Variants in DPP10 observed in about 807,000 individuals in gnomAD.
DPP10 encodes the protein dipeptidyl peptidase like 10, also known as inactive dipeptidyl peptidase 10.
DPP10 carries 33 observed loss-of-function variants against 120.9 expected under a neutral mutation model. The ratio of observed to expected loss-of-function variants is 0.27; its 90% CI spans 0.21 to 0.37. DPP10 has a LOEUF of 0.37. Ranked by LOEUF, DPP10 falls within the 10% of genes least tolerant of loss-of-function variation. The pLI is 1.00. For synonymous variants in DPP10, 337 were observed against 326.1 expected (o/e 1.03, Z -0.36); for missense variants, 816 against 942.8 (o/e 0.87, Z 1.76).
intron 1 of DPP10, among the ~76,000 whole-genome samples, chr2:115,152,401 T>C (rs2051615575): frequency 6.6e-6 from 1 of 152,224 alleles, no homozygotes; most frequent in South Asian, 2.1e-4. Context: ...GCAACTTTGT[T>C]TTGGGGGCTA....
intron 1 of DPP10, among the ~76,000 whole-genome samples, chr2:115,003,176 T>TAAAAAAAAAA (rs140794959): frequency 2.2e-5 from 3 of 134,386 alleles, no homozygotes; most frequent in Non-Finnish European, 3.1e-5. Flanking sequence ...TATGTAGCTA[T>TAAAAAAAAAA]AAAAAAAAAA....
chr2:114,907,075 A>G (rs1694026790), intron 1 of DPP10, among the ~76,000 whole-genome samples: 1 of 152,150 alleles, frequency 6.6e-6, no homozygotes, highest in East Asian at 1.9e-4. Flanking sequence ...TCTAGAAATT[A>G]TTCCCTTTCA....
At chr2:114,973,100 G>A (rs1699504530) in intron 1 of DPP10, among the ~76,000 whole-genome samples, 2 of 152,210 alleles carry the variant, frequency 1.3e-5, no homozygotes, top group African/African-American at 4.8e-5. Flanking sequence ...TTTCATGTAT[G>A]ACAGTGGTTG....
chr2:114,610,207 TTTTGGGTCTGTA>T (rs573256221), intron 1 of DPP10, among the ~76,000 whole-genome samples: 207 of 152,244 alleles, frequency 1.4e-3, no homozygotes, highest in African/African-American at 4.7e-3. Flanking sequence ...GTATGTTTTG[TTTTGGGTCTGTA>T]TTTGCCTTCT....
intron 1 of DPP10, among the ~76,000 whole-genome samples, chr2:114,533,461 G>T (rs1686212458): frequency 6.6e-6 from 1 of 152,024 alleles, no homozygotes; most frequent in Admixed American, 6.6e-5. Flanking sequence ...GGGGCCTGTT[G>T]GGTGGTGGGG....
chr2:115,029,418 T>C (rs2105230106), intron 1 of DPP10, among the ~76,000 whole-genome samples: 1 of 152,042 alleles, frequency 6.6e-6, no homozygotes, highest in South Asian at 2.1e-4. Context: ...TACCAGTGGA[T>C]TTCTACCTGT....
chr2:114,778,594 T>C (rs1238335746), intron 1 of DPP10, among the ~76,000 whole-genome samples: 3 of 151,984 alleles, frequency 2.0e-5, no homozygotes, highest in African/African-American at 7.2e-5. Context: ...AGTCTTGGAG[T>C]GTACCACTGA....
chr2:114,859,722 A>G (rs908865936), intron 1 of DPP10, among the ~76,000 whole-genome samples: 2 of 152,052 alleles, frequency 1.3e-5, no homozygotes, highest in Non-Finnish European at 2.9e-5. Context: ...CAATCCACCT[A>G]TCTGGGATCT....
At chr2:114,824,519 G>A (rs1024124086) in intron 1 of DPP10, among the ~76,000 whole-genome samples, 68 of 152,108 alleles carry the variant, frequency 4.5e-4, no homozygotes, top group African/African-American at 1.6e-3. Flanking sequence ...ACAAAAGGTG[G>A]TTCTGTGCCA....
chr2:115,386,530 G>A (rs1267017097), intron 3 of DPP10, among the ~76,000 whole-genome samples: 2 of 151,882 alleles, frequency 1.3e-5, no homozygotes, highest in Non-Finnish European at 2.9e-5. Context: ...GGGGCAGCAT[G>A]TTGTGGGAAG....
chr2:114,486,077 G>A (rs1324718389), intron 1 of DPP10, among the ~76,000 whole-genome samples: 2 of 152,152 alleles, frequency 1.3e-5, no homozygotes, highest in Non-Finnish European at 2.9e-5. Context: ...AGGCATAGAA[G>A]GAACAGGGCC....
intron 1 of DPP10, among the ~76,000 whole-genome samples, chr2:114,479,416 A>C (rs1265418613): frequency 6.6e-6 from 1 of 151,968 alleles, no homozygotes; most frequent in African/African-American, 2.4e-5. Flanking sequence ...AAAATGAAAA[A>C]AAAACAGAAC....
At chr2:115,599,979 C>T (rs1448913171) in intron 5 of DPP10, among the ~76,000 whole-genome samples, 2 of 152,034 alleles carry the variant, frequency 1.3e-5, no homozygotes, top group South Asian at 4.2e-4. Context: ...ATTAAGGGTT[C>T]CTTTTTCCTG....
intron 1 of DPP10, among the ~76,000 whole-genome samples, chr2:115,263,849 T>A (rs879474455): frequency 6.6e-6 from 1 of 152,064 alleles, no homozygotes; most frequent in Non-Finnish European, 1.5e-5. Flanking sequence ...ATTTTTTTCT[T>A]TATAAAATAT....
intron 1 of DPP10, among the ~76,000 whole-genome samples, chr2:114,993,104 G>A (rs1700843875): frequency 6.6e-6 from 1 of 152,100 alleles, no homozygotes; most frequent in African/African-American, 2.4e-5. Flanking sequence ...TTGTTTGTCT[G>A]TCACTTCTTA....
intron 1 of DPP10, among the ~76,000 whole-genome samples, chr2:114,607,156 G>A (rs1247823119): frequency 1.3e-5 from 2 of 152,142 alleles, no homozygotes; most frequent in South Asian, 2.1e-4. Flanking sequence ...AAATAACAGG[G>A]TTCTCACTGG....
At chr2:114,712,208 T>A (rs1009378007) in intron 1 of DPP10, among the ~76,000 whole-genome samples, 6 of 151,996 alleles carry the variant, frequency 3.9e-5, no homozygotes, top group Non-Finnish European at 7.4e-5. Context: ...TAATCCCAGC[T>A]ACTCGGGAGG....
chr2:114,717,960 T>C (rs969562155), intron 1 of DPP10, among the ~76,000 whole-genome samples: 7 of 152,186 alleles, frequency 4.6e-5, no homozygotes, highest in Non-Finnish European at 5.9e-5. Flanking sequence ...AACAAACTTT[T>C]GATATTTGCT....
chr2:115,609,063 A>G (rs2083901606), intron 5 of DPP10, among the ~76,000 whole-genome samples: 1 of 152,210 alleles, frequency 6.6e-6, no homozygotes, highest in Non-Finnish European at 1.5e-5. Flanking sequence ...GCTAGGGCAC[A>G]TCATTATGAA....
Sources: gnomAD v4.1 joint callset for allele counts (sites outside exome capture counted in the v4.1 genomes callset) on GRCh38, gnomAD v4.1.1 for gene constraint, MANE v1.5 for transcripts, NCBI Gene and HGNC (gene_info 2026-07-23, HGNC 2026-07-21) for gene names.